PDZD2: variants seen among roughly 807,000 people sequenced by gnomAD.
PDZD2 encodes PDZ domain-containing protein 2.
PDZD2 carries 90 observed loss-of-function variants against 220.7 expected under a neutral mutation model. That is an observed-to-expected ratio of 0.41 (90% CI 0.34 to 0.49). The LOEUF (loss-of-function observed/expected upper bound fraction) is 0.49, where lower values mean the gene tolerates loss of function less well. Among genes scored for constraint, PDZD2 ranks in the 20% least tolerant of loss-of-function variants. The pLI is 0.28. For missense variants in PDZD2, 3,174 were observed against 3,608.5 expected (o/e 0.88, Z 3.08); for synonymous variants, 1,375 against 1,450.5 (o/e 0.95, Z 1.18).
At chr5:31,878,990 C>T (rs1422393687) in intron 2 of PDZD2, among the ~76,000 whole-genome samples, 1 of 152,144 alleles carries the variant, frequency 6.6e-6, no homozygotes, top group African/African-American at 2.4e-5. Flanking sequence ...GTAGGTGGAT[C>T]AGCAGTTGGA....
intron 19 of PDZD2, among the ~76,000 whole-genome samples, chr5:32,080,074 C>T (rs1300081587): frequency 3.3e-5 from 5 of 151,624 alleles, no homozygotes; most frequent in South Asian, 2.1e-4. Flanking sequence ...TTTGGCCGGG[C>T]GCAGTGGCTC....
intron 2 of PDZD2, among the ~76,000 whole-genome samples, chr5:31,935,299 C>G (rs1745627586): frequency 6.6e-6 from 1 of 152,126 alleles, no homozygotes; most frequent in Admixed American, 6.5e-5. Flanking sequence ...TCATGAAAGA[C>G]CCCTTTGGCT....
chr5:31,776,626 TTTTA>T lies in PDZD2; in HGVS notation c.-360-22227_-360-22224del, dbSNP rs150070722. ...CCACCACGCCTGGCCTTATTTTTTATTTTATTTATTTATTTATTTATTTATTTAT... is the reference window on the plus strand; with the variant it reads ...CCACCACGCCTGGCCTTATTTTTTATTTTATTTATTTATTTATTTATTTAT... On this transcript the variant is annotated intron_variant, in intron 1 of 24. Transcript: ENST00000438447. 4.8e-4 allele frequency among the ~76,000 whole-genome samples: 68 copies of T among 141,106 alleles called. 1 individual carries two copies. The highest frequency in any genetic ancestry group is 1.3e-3 in the Admixed American group (18 of 14,116). 92.6% of individuals were successfully genotyped at this position (141,106 alleles called of 152,430 possible).
At chr5:31,896,054 C>T (rs1741520303) in intron 2 of PDZD2, among the ~76,000 whole-genome samples, 1 of 152,152 alleles carries the variant, frequency 6.6e-6, no homozygotes, top group African/African-American at 2.4e-5. Context: ...TGCCCAAGGA[C>T]ACAGACTTGG....
intron 19 of PDZD2, among the ~76,000 whole-genome samples, chr5:32,082,373 A>G (rs1232921125): frequency 6.6e-6 from 1 of 152,130 alleles, no homozygotes; most frequent in African/African-American, 2.4e-5. Flanking sequence ...AAGTGATCAA[A>G]GAAGGAATAC....
At chr5:31,892,975 C>T (rs13360635) in intron 2 of PDZD2, among the ~76,000 whole-genome samples, 6,774 of 152,128 alleles carry the variant, frequency 0.045, 502 homozygotes, top group African/African-American at 0.15. Context: ...CAAAGTGTGG[C>T]GTGGGAGGAG....
Position 32,087,645 on chromosome 5 carries a change from C to T in PDZD2, c.4197C>T (p.Ser1399=), listed in dbSNP as rs1742624414. 1.9e-6 allele frequency: 3 copies of T among 1,614,232 alleles called. No individual in the cohort carries two copies. In the East Asian group the frequency reaches 6.7e-5, roughly 36 times the overall value. Residue 1399 remains serine, a synonymous_variant, in exon 20 of 25, where the codon TCC becomes TCT. Transcript: ENST00000438447. The surrounding 1 kb of genome is among the most constrained non-coding windows in gnomAD (Gnocchi z 4.0). ...AGGCCAGCCTCTCCATGCTGCCATC[C>T]ACTGACAACACCAAAGAAGCATGTG... ...APQASLSMLP[S]TDNTKEACGH...
intron 2 of PDZD2, among the ~76,000 whole-genome samples, chr5:31,933,889 A>G (rs1287680839): frequency 6.6e-6 from 1 of 152,228 alleles, no homozygotes; most frequent in Non-Finnish European, 1.5e-5. Flanking sequence ...GATGCCTGTC[A>G]TGGATAATGC....
intron 5 of PDZD2, among the ~76,000 whole-genome samples, chr5:32,009,726 G>A (rs1753132850): frequency 6.7e-6 from 1 of 150,368 alleles, no homozygotes; most frequent in South Asian, 2.1e-4. Flanking sequence ...ATGAGACCTT[G>A]TCTATTAAAA....
chr5:31,812,551 A>G (rs538864906), intron 2 of PDZD2, among the ~76,000 whole-genome samples: 1 of 151,952 alleles, frequency 6.6e-6, no homozygotes, highest in Non-Finnish European at 1.5e-5. Context: ...CAATCCACCT[A>G]TCTCAGCCTC....
At chr5:31,857,677 G>C (rs796213494) in intron 2 of PDZD2, among the ~76,000 whole-genome samples, 23 of 152,262 alleles carry the variant, frequency 1.5e-4, no homozygotes, top group African/African-American at 5.3e-4. Flanking sequence ...TATTCTCTCT[G>C]TTGTCATGAA....
At chr5:31,735,938 C>G (rs747458461) in intron 1 of PDZD2, among the ~76,000 whole-genome samples, 1 of 152,120 alleles carries the variant, frequency 6.6e-6, no homozygotes, top group Non-Finnish European at 1.5e-5. Flanking sequence ...GAGTGAGAAT[C>G]TGTCTTAAAA....
chr5:31,841,975 A>C (rs1757337841), intron 2 of PDZD2, among the ~76,000 whole-genome samples: 1 of 152,094 alleles, frequency 6.6e-6, no homozygotes, highest in Admixed American at 6.6e-5. Flanking sequence ...CATCTCAAAA[A>C]AAAAAAGAAT....
intron 1 of PDZD2, among the ~76,000 whole-genome samples, chr5:31,787,327 T>C (rs1418016007): frequency 6.6e-6 from 1 of 152,232 alleles, no homozygotes; most frequent in Non-Finnish European, 1.5e-5. Context: ...CTAGAAATAT[T>C]ATTAACCCAG....
chr5:31,646,243 G>A lies in PDZD2; in HGVS notation c.-361+6806G>A, dbSNP rs1258117583. Among the ~76,000 whole-genome samples, 1 of 152,156 alleles carries A rather than the reference G, an allele frequency of 6.6e-6. No homozygotes were observed. Among genetic ancestry groups the A allele is most frequent in the African/African-American group, 2.4e-5 (1 of 41,424 alleles). ...CAGTATTCCAGAAGACTCTGTTTCTGGAGACTGGAGAGGCAAGTGTATTTT... is the reference window on the plus strand; with the variant it reads ...CAGTATTCCAGAAGACTCTGTTTCTAGAGACTGGAGAGGCAAGTGTATTTT... On this transcript the variant is annotated intron_variant, in intron 1 of 24. Coordinates refer to ENST00000438447, the MANE Select transcript of PDZD2 (RefSeq NM_178140.4). The surrounding 1 kb of genome is among the most constrained non-coding windows in gnomAD (Gnocchi z 4.7).
chr5:31,743,711 G>A (rs184099285), intron 1 of PDZD2, among the ~76,000 whole-genome samples: 4 of 151,896 alleles, frequency 2.6e-5, no homozygotes, highest in Non-Finnish European at 5.9e-5. Context: ...CCATTCATTC[G>A]TCCATCTATC....
chr5:32,001,238 G>T (rs187294339), intron 5 of PDZD2, among the ~76,000 whole-genome samples: 12 of 152,310 alleles, frequency 7.9e-5, no homozygotes, highest in African/African-American at 2.9e-4. Context: ...GAATGGTAAG[G>T]AAGGACAATG....
chr5:31,880,461 G>T (rs1357521095), intron 2 of PDZD2, among the ~76,000 whole-genome samples: 2 of 152,180 alleles, frequency 1.3e-5, no homozygotes, highest in African/African-American at 4.8e-5. Context: ...ATGGATAGAA[G>T]TAAGCTCGTT....
At chr5:31,946,974 G>A (rs1483775438) in intron 2 of PDZD2, among the ~76,000 whole-genome samples, 1 of 152,172 alleles carries the variant, frequency 6.6e-6, no homozygotes, top group Non-Finnish European at 1.5e-5. Flanking sequence ...AAAGTGTTGG[G>A]ATTACAAGCA....
Sources: allele counts gnomAD v4.1 joint callset (sites outside exome capture counted in the v4.1 genomes callset), GRCh38; gene constraint gnomAD v4.1.1; non-coding constraint Gnocchi (gnomAD v3.1); transcripts MANE v1.5; gene names NCBI Gene and HGNC (gene_info 2026-07-23, HGNC 2026-07-21).